TM4SF5: variants seen among roughly 807,000 people sequenced by gnomAD.
TM4SF5 encodes the protein transmembrane 4 L6 family member 5.
TM4SF5 carries 16 observed loss-of-function variants against 22.3 expected under a neutral mutation model. The observed-to-expected ratio is 0.72, with a 90% CI of 0.49 to 1.09. The LOEUF is 1.09. Among genes scored for constraint, TM4SF5 ranks in the 50% least tolerant of loss-of-function variants. The probability of loss-of-function intolerance (pLI) is 0.00; values close to 1 mark genes in which losing one functional copy is unlikely to be tolerated. For missense variants in TM4SF5, 249 were observed against 266.1 expected, an observed-to-expected ratio of 0.94 and a Z score of 0.45; for synonymous variants, 113 against 109.6, an observed-to-expected ratio of 1.03 and a Z score of -0.19.
chr17:4,776,930 G>C (rs1199225203), intron 1 of TM4SF5, among the ~76,000 whole-genome samples: 2 of 151,912 alleles, frequency 1.3e-5, no homozygotes, highest in African/African-American at 4.8e-5. Flanking sequence ...CTGGGCGTGG[G>C]GCCTCAAGCC....
chr17:4,776,333 G>A (rs377761987), intron 1 of TM4SF5, among the ~76,000 whole-genome samples: 3 of 150,728 alleles, frequency 2.0e-5, no homozygotes, highest in South Asian at 2.1e-4. Flanking sequence ...ACAGAGTCTC[G>A]CTCTGTCACC....
intron 1 of TM4SF5, among the ~76,000 whole-genome samples, chr17:4,773,077 G>T (rs1917142935): frequency 6.6e-6 from 1 of 151,916 alleles, no homozygotes; most frequent in Admixed American, 6.6e-5. Flanking sequence ...GCTAATTTTT[G>T]CATTTTCAGT....
intron 2 of TM4SF5, among the ~76,000 whole-genome samples, chr17:4,781,560 G>A (rs1917311161): frequency 6.6e-6 from 1 of 152,044 alleles, no homozygotes; most frequent in Non-Finnish European, 1.5e-5. Flanking sequence ...CTGTCACCCA[G>A]GCTGGAGTAC....
chr17:4,771,895 C>T lies in TM4SF5; in HGVS notation c.-28C>T. ...TGGGAACCACTGGCTTACTTTCACT[C>T]ACCGCCTGTCCTTCCTGACACCTCA... On this transcript the variant is annotated 5_prime_UTR_variant, in exon 1 of 5. Transcript: ENST00000270560. The T allele has an allele frequency of 6.2e-7, 1 of 1,613,282 alleles. No homozygotes were observed. The highest frequency in any genetic ancestry group is 1.1e-5 in the South Asian group (1 of 91,002).
At chr17:4,772,287 G>C (rs570144160) in intron 1 of TM4SF5, among the ~76,000 whole-genome samples, 188 bp downstream of exon 1, 37 of 152,254 alleles carry the variant, frequency 2.4e-4, no homozygotes, top group African/African-American at 8.9e-4. Context: ...GAATGTCTGT[G>C]GGGCACAGAA....
chr17:4,780,099 G>A (rs990257177), intron 1 of TM4SF5, among the ~76,000 whole-genome samples: 3 of 142,890 alleles, frequency 2.1e-5, no homozygotes, highest in Admixed American at 7.4e-5. Flanking sequence ...CTTATTGCCC[G>A]GGTTGGAGTA....
At chr17:4,779,691 G>A (rs1027283646) in intron 1 of TM4SF5, among the ~76,000 whole-genome samples, 2 of 152,154 alleles carry the variant, frequency 1.3e-5, no homozygotes, top group Non-Finnish European at 2.9e-5. Flanking sequence ...TCCACTGATG[G>A]AGACAAGAAA....
rs188076672 is a variant in TM4SF5 at position 4,781,579 on chromosome 17, G to A, written c.258+710G>A. On this transcript the variant is annotated intron_variant, in intron 2 of 4. Transcript: ENST00000270560. Reference sequence around the variant, plus strand: ...CACCCAGGCTGGAGTACAGTGGCACGATCTTGGCTCACTGCAGCTTCCGCC... The same window carrying A: ...CACCCAGGCTGGAGTACAGTGGCACAATCTTGGCTCACTGCAGCTTCCGCC... Among the ~76,000 whole-genome samples the A allele has an allele frequency of 6.0e-5, 9 of 151,206 alleles. No homozygotes were observed. In the East Asian group the frequency reaches 1.4e-3, roughly 23 times the overall value.
rs1351103464 is a variant in TM4SF5 at position 4,782,953 on chromosome 17, C to T, written c.495C>T (p.Ala165=). ...NVTLFSLLVA[A]SCLEIVLCGI... ...CGCTCTTCTCGCTGCTGGTGGCCGCCTCCTGCCTGGAGATAGTACTGTGTG... is the reference window on the plus strand; with the variant it reads ...CGCTCTTCTCGCTGCTGGTGGCCGCTTCCTGCCTGGAGATAGTACTGTGTG... The change falls in exon 4 of 5, where the codon GCC becomes GCT. Residue 165 remains alanine (A), a synonymous_variant. Coordinates refer to ENST00000270560, the MANE Select transcript of TM4SF5 (RefSeq NM_003963.3). 1 of 1,614,266 alleles carries T rather than the reference C, an allele frequency of 6.2e-7. No individual in the cohort carries two copies. Among genetic ancestry groups the T allele is most frequent in the Non-Finnish European group, 8.5e-7 (1 of 1,180,048 alleles).
In TM4SF5 at chr17:4,783,099, T is replaced by C; in HGVS notation, c.580-15T>C. 1 of 1,614,176 alleles carries C rather than the reference T, an allele frequency of 6.2e-7. No homozygotes were observed. The highest frequency in any genetic ancestry group is 1.3e-5 in the African/African-American group (1 of 75,076). On this transcript the variant is annotated splice_polypyrimidine_tract_variant and intron_variant, in intron 4 of 4. Coordinates refer to ENST00000270560, the MANE Select transcript of TM4SF5 (RefSeq NM_003963.3). ...GCCTGGTCCTGGCTGCGTTCTCACC[T>C]TCTCTTTTCCGCAGGACACACCTCA...
intron 1 of TM4SF5, among the ~76,000 whole-genome samples, chr17:4,774,630 G>A (rs1012955712): frequency 5.9e-5 from 9 of 152,250 alleles, no homozygotes; most frequent in Admixed American, 4.6e-4. Flanking sequence ...ACCATCGGCC[G>A]GGCGCAGTGG....
intron 1 of TM4SF5, among the ~76,000 whole-genome samples, chr17:4,779,979 A>G (rs1007384661): frequency 1.8e-4 from 27 of 151,372 alleles, no homozygotes; most frequent in African/African-American, 6.3e-4. Flanking sequence ...ATCCCAATTC[A>G]CCAGACACTC....
chr17:4,771,933 G>A lies in TM4SF5; in HGVS notation c.11G>A (p.Gly4Glu). The A allele has an allele frequency of 6.2e-7, 1 of 1,614,186 alleles. No individual in the cohort carries two copies. The highest frequency in any genetic ancestry group is 1.1e-5 in the South Asian group (1 of 91,080). Residue 4 changes from glycine (G) to glutamate (E), a missense_variant, in exon 1 of 5, where the codon GGA (glycine) becomes GAA (glutamate). Physicochemically the swap from Gly to Glu is moderately conservative, Grantham distance 98 (BLOSUM62 -2). Coordinates refer to ENST00000270560, the MANE Select transcript of TM4SF5 (RefSeq NM_003963.3). The part of the protein sequence containing the change: MCT[G>E]KCARCVGLSL... The stretch of plus-strand genomic sequence containing the variant: ...TCCTGACACCTCACCATGTGTACGG[G>A]AAAATGTGCCCGCTGTGTGGGGCTC...
At chr17:4,777,557 A>G (rs1917229613) in intron 1 of TM4SF5, among the ~76,000 whole-genome samples, 1 of 152,106 alleles carries the variant, frequency 6.6e-6, no homozygotes, top group African/African-American at 2.4e-5. Context: ...CCTGGGCAAC[A>G]TAGTGAGACT....
intron 1 of TM4SF5, among the ~76,000 whole-genome samples, chr17:4,776,565 G>C (rs950230376): frequency 6.6e-6 from 1 of 152,206 alleles, no homozygotes; most frequent in African/African-American, 2.4e-5. Context: ...GCCTCCCAGA[G>C]TACTGGGATT....
In TM4SF5 at chr17:4,782,858, G is replaced by A. The variant is rs755807027; in HGVS notation, c.400G>A (p.Ala134Thr). The change falls in exon 4 of 5, where the codon GCT becomes ACT. Residue 134 changes from alanine (A) to threonine (T), a missense_variant. By Grantham distance (58) the Ala-to-Thr change is moderately conservative. Transcript: ENST00000270560. ...GTGGCCTCACCCCTCCCACAGGGGA[G>A]CTTACTTGCTCAACCGCACTCTATG... Reference protein sequence around the residue: ...WGYHFEDTAGAYLLNRTLWDR... With the variant: ...WGYHFEDTAGTYLLNRTLWDR... The A allele has an allele frequency of 1.2e-6, 2 of 1,611,486 alleles. No individual in the cohort carries two copies. Among genetic ancestry groups the A allele is most frequent in the East Asian group, 4.5e-5 (2 of 44,860 alleles).
chr17:4,778,871 C>T (rs1011737056), intron 1 of TM4SF5, among the ~76,000 whole-genome samples: 1 of 151,876 alleles, frequency 6.6e-6, no homozygotes, highest in East Asian at 1.9e-4. Flanking sequence ...TTCTGGCCAA[C>T]ATGATGAAAC....
At chr17:4,780,045 G>C (rs1255107430) in intron 1 of TM4SF5, among the ~76,000 whole-genome samples, 1 of 150,672 alleles carries the variant, frequency 6.6e-6, no homozygotes, top group African/African-American at 2.4e-5. Context: ...GAGTTACTCT[G>C]AGCTGGTCTT....
At chr17:4,777,464 TGTG>T (rs1917227901) in intron 1 of TM4SF5, among the ~76,000 whole-genome samples, 1 of 152,000 alleles carries the variant, frequency 6.6e-6, no homozygotes, top group African/African-American at 2.4e-5. Context: ...TAGGGCCAGG[TGTG>T]GTGGCTCATG....
Sources: gnomAD v4.1 joint callset for allele counts (sites outside exome capture counted in the v4.1 genomes callset) on GRCh38, gnomAD v4.1.1 for gene constraint, MANE v1.5 for transcripts, NCBI Gene and HGNC (gene_info 2026-07-23, HGNC 2026-07-21) for gene names.